The following NEBL variants were observed in gnomAD, a reference collection of about 807,000 sequenced individuals.
NEBL encodes the protein nebulette.
In NEBL, 122 loss-of-function variants were observed where a neutral mutation model predicts 140.2. That is an observed-to-expected ratio of 0.87 (90% confidence interval 0.75 to 1.01). The LOEUF (loss-of-function observed/expected upper bound fraction) is 1.01, where lower values mean the gene tolerates loss of function less well. NEBL is among the 50% of genes least tolerant of loss of function. NEBL has a pLI of 0.00. For synonymous variants in NEBL, 436 were observed against 398.9 expected, an observed-to-expected ratio of 1.09 and a Z score of -1.11; for missense variants, 1,365 against 1,231.3, an observed-to-expected ratio of 1.11 and a Z score of -1.62.
chr10:21,221,406 C>G (rs1842064977), intron 3 of NEBL, among the ~76,000 whole-genome samples: 1 of 152,194 alleles, frequency 6.6e-6, no homozygotes, highest in Non-Finnish European at 1.5e-5. Flanking sequence ...GCATGCTAAA[C>G]TATCATTCAA....
intron 11 of NEBL, among the ~76,000 whole-genome samples, chr10:20,848,957 T>C (rs1273648693): frequency 6.6e-6 from 1 of 152,260 alleles, no homozygotes. Flanking sequence ...GCATAGTTAA[T>C]GCTTACAAAA....
intron 2 of NEBL, among the ~76,000 whole-genome samples, chr10:21,043,662 G>T (rs540468190): frequency 5.6e-4 from 86 of 152,216 alleles, no homozygotes; most frequent in African/African-American, 2.0e-3. Flanking sequence ...CTTTCCTAGT[G>T]AGAGAGTTGC....
intron 2 of NEBL, among the ~76,000 whole-genome samples, chr10:21,088,023 AAAC>A (rs1406743782): frequency 6.6e-6 from 1 of 152,230 alleles, no homozygotes. Context: ...TATGCTGTAC[AAAC>A]AACATGGAAC....
At chr10:20,875,878 T>A (rs1845450842) in intron 5 of NEBL, among the ~76,000 whole-genome samples, 1 of 152,190 alleles carries the variant, frequency 6.6e-6, no homozygotes, top group Non-Finnish European at 1.5e-5. Context: ...CCTTTTAAGT[T>A]TGTGGAACAG....
chr10:20,932,750 C>A (rs112083950), intron 4 of NEBL, among the ~76,000 whole-genome samples: 1 of 152,184 alleles, frequency 6.6e-6, no homozygotes, highest in Non-Finnish European at 1.5e-5. Flanking sequence ...CGATACTAAT[C>A]GTTGTGCTAT....
intron 2 of NEBL, among the ~76,000 whole-genome samples, chr10:21,080,405 G>A (rs899642380): frequency 1.1e-4 from 16 of 152,132 alleles, no homozygotes; most frequent in African/African-American, 3.9e-4. Context: ...TCATTTTTGG[G>A]AACAGCTGAG....
chr10:21,258,017 A>G (rs555734968), intron 1 of NEBL, among the ~76,000 whole-genome samples: 1 of 152,344 alleles, frequency 6.6e-6, no homozygotes, highest in African/African-American at 2.4e-5. Flanking sequence ...AGGGCCTGAG[A>G]TAAGATCTTG....
In NEBL at chr10:20,817,638, G is replaced by C. The variant is rs751282061; in HGVS notation, c.2110C>G (p.Leu704Val). The change falls in exon 21 of 28, where the codon CTG (leucine) becomes GTG (valine). Residue 704 changes from leucine to valine, a missense_variant. Transcript: ENST00000377122. ...TTCTGGTTTTCTTTTGCCCTCTTCA[G>C]CTCTGGTGGATCAGAAATTGCAGTT... ...RGTAISDPPE[L>V]KRAKENQKNI... 6.2e-7 allele frequency: 1 copy of C among 1,613,968 alleles called. No homozygotes were observed. The highest frequency in any genetic ancestry group is 8.5e-7 in the Non-Finnish European group (1 of 1,179,886).
At chr10:20,826,163 T>C (rs1196211824) in intron 18 of NEBL, among the ~76,000 whole-genome samples, 1 of 152,088 alleles carries the variant, frequency 6.6e-6, no homozygotes, top group East Asian at 1.9e-4. Context: ...TTTAATAGAG[T>C]TAAAATTCTC....
At chr10:20,933,930 G>A (rs61851776) in intron 4 of NEBL, among the ~76,000 whole-genome samples, 1 of 151,988 alleles carries the variant, frequency 6.6e-6, no homozygotes, top group Non-Finnish European at 1.5e-5. Context: ...GAGTTTCTCA[G>A]TTCAGTATAT....
intron 26 of NEBL, among the ~76,000 whole-genome samples, chr10:20,792,134 A>G (rs563493083): frequency 5.3e-5 from 8 of 151,806 alleles, no homozygotes; most frequent in Non-Finnish European, 7.4e-5. Flanking sequence ...AAAAAAAAAA[A>G]AAAGAAAGAA....
At chr10:21,264,696 TAAAAAA>T (rs71392177) in intron 1 of NEBL, among the ~76,000 whole-genome samples, 37 of 30,700 alleles carry the variant, frequency 1.2e-3, no homozygotes, top group African/African-American at 3.7e-3. Flanking sequence ...AGTTGCTATT[TAAAAAA>T]AAAAAAAAAA....
chr10:21,156,410 C>T (rs1036601002), intron 2 of NEBL, among the ~76,000 whole-genome samples: 1 of 152,156 alleles, frequency 6.6e-6, no homozygotes, highest in African/African-American at 2.4e-5. Context: ...GATTCGTTTT[C>T]AAAGTCAGGA....
chr10:21,250,705 G>C (rs184492051), intron 2 of NEBL, among the ~76,000 whole-genome samples: 2 of 151,802 alleles, frequency 1.3e-5, no homozygotes, highest in East Asian at 3.9e-4. Flanking sequence ...GAGTTCAGGG[G>C]TTCAAGACCA....
At chr10:21,220,958 C>A (rs1367382076) in intron 3 of NEBL, among the ~76,000 whole-genome samples, 1 of 152,138 alleles carries the variant, frequency 6.6e-6, no homozygotes, top group Non-Finnish European at 1.5e-5. Flanking sequence ...AGTCCCAGAC[C>A]AGCCTGGGTA....
chr10:21,123,922 T>C (rs1371047860), intron 2 of NEBL, among the ~76,000 whole-genome samples: 1 of 151,840 alleles, frequency 6.6e-6, no homozygotes, highest in Non-Finnish European at 1.5e-5. Flanking sequence ...TTAATTTTTG[T>C]CTTCTAGAAT....
At position 20,859,789 on chromosome 10, in the gene NEBL, T is replaced by A. The variant is rs943180556; in HGVS notation, c.722A>T (p.Asp241Val). Residue 241 changes from aspartate to valine, a missense_variant, in exon 8 of 28, where the codon GAT (aspartate) becomes GTT (valine). By Grantham distance (152) the Asp-to-Val change is radical. Coordinates refer to ENST00000377122, the MANE Select transcript of NEBL (RefSeq NM_006393.3). ...YKEKFDNEMK[D>V]KKHHYNPLES... Reference sequence around the variant, plus strand: ...AAGAGGATTGTAATGATGTTTCTTATCCTTCATTTCATTATCAAATTTTTC... The same window carrying A: ...AAGAGGATTGTAATGATGTTTCTTAACCTTCATTTCATTATCAAATTTTTC... 1.1e-5 allele frequency: 18 copies of A among 1,590,142 alleles called. No individual in the cohort carries two copies. Among genetic ancestry groups the A allele is most frequent in the African/African-American group, 4.0e-5 (3 of 74,496 alleles).
chr10:21,282,841 T>C (rs143150088), intron 1 of NEBL, among the ~76,000 whole-genome samples: 32 of 152,014 alleles, frequency 2.1e-4, no homozygotes, highest in African/African-American at 6.5e-4. Context: ...AAGGTTGCAA[T>C]AGGCAGGGCG....
At chr10:21,279,076 T>C (rs577511648) in intron 1 of NEBL, among the ~76,000 whole-genome samples, 1 of 152,122 alleles carries the variant, frequency 6.6e-6, no homozygotes, top group Non-Finnish European at 1.5e-5. Flanking sequence ...AATTTCTCTG[T>C]GTGGGCTGGA....
Sources: gnomAD v4.1 joint callset for allele counts (sites outside exome capture counted in the v4.1 genomes callset) on GRCh38, gnomAD v4.1.1 for gene constraint, MANE v1.5 for transcripts, NCBI Gene and HGNC (gene_info 2026-07-23, HGNC 2026-07-21) for gene names.